The following THBS4 variants were observed in gnomAD, a reference collection of about 807,000 sequenced individuals.
THBS4 encodes thrombospondin 4.
Under a neutral mutation model 115.7 loss-of-function variants are expected in THBS4, and 90 were observed. That is an observed-to-expected ratio of 0.78 (90% CI 0.66 to 0.93). The LOEUF (loss-of-function observed/expected upper bound fraction) is 0.93. Ranked by LOEUF, THBS4 falls within the 40% of genes least tolerant of loss-of-function variation. THBS4 has a pLI of 0.00. For missense variants in THBS4, 1,087 were observed against 1,232.7 expected, an observed-to-expected ratio of 0.88 and a Z score of 1.77; for synonymous variants, 460 against 479.3, an observed-to-expected ratio of 0.96 and a Z score of 0.53.
At position 80,058,206 on chromosome 5, in the gene THBS4, G is replaced by C. The variant is rs1175876006; in HGVS notation, c.541G>C (p.Asp181His). ...ELRTFQRKPQ[D>H]FLEELKLVVR... ...GTGGTATGAATGTGATTTCTTCCAGGACTTCTTGGAAGAGCTGAAGCTGGT... is the reference window on the plus strand; with the variant it reads ...GTGGTATGAATGTGATTTCTTCCAGCACTTCTTGGAAGAGCTGAAGCTGGT... Residue 181 changes from aspartate to histidine, a missense_variant and splice_region_variant, in exon 4 of 22, where the codon GAC (aspartate) becomes CAC (histidine). Coordinates refer to ENST00000350881, the MANE Select transcript of THBS4 (RefSeq NM_003248.6). The C allele has an allele frequency of 5.7e-6, 9 of 1,567,788 alleles. No individual in the cohort carries two copies. The highest frequency in any genetic ancestry group is 6.9e-6 in the Non-Finnish European group (8 of 1,154,778).
chr5:80,065,330 G>C, intron 8 of THBS4, 79 bp from the exon 9 acceptor site: 2 of 1,336,084 alleles, frequency 1.5e-6, no homozygotes. Flanking sequence ...CACAAAGATA[G>C]CAAAACAAAG....
At chr5:80,067,071 A>G (rs994542726) in intron 9 of THBS4, 36 of 152,340 alleles carry the variant, frequency 2.4e-4, no homozygotes, top group African/African-American at 8.4e-4. Context: ...AAAACTGCAT[A>G]AGATGAAAAA....
intron 16 of THBS4, 43 bp from the exon 17 acceptor site, chr5:80,078,006 T>C (rs776867310): frequency 8.9e-6 from 13 of 1,468,064 alleles, no homozygotes; most frequent in Non-Finnish European, 1.2e-5. Context: ...TGGCGGTGGG[T>C]GTGAGCGCTA....
intron 3 of THBS4, 109 bp downstream of exon 3, chr5:80,056,141 C>A: frequency 7.6e-7 from 1 of 1,309,296 alleles, no homozygotes; most frequent in Non-Finnish European, 1.0e-6. Context: ...GGGTCTAATG[C>A]CGCTTGCACA....
At chr5:80,066,093 T>C (rs187921555) in intron 9 of THBS4, among the ~76,000 whole-genome samples, 6,194 of 76,632 alleles carry the variant, frequency 0.081, 471 homozygotes, top group African/African-American at 0.25. Flanking sequence ...AGACTCCCTC[T>C]CAAAAAAAAA....
intron 2 of THBS4, among the ~76,000 whole-genome samples, chr5:80,011,675 T>G (rs1832129179): frequency 6.6e-6 from 1 of 152,068 alleles, no homozygotes; most frequent in South Asian, 2.1e-4. Context: ...CAAACTTAGG[T>G]AGGCTTCAGA....
chr5:80,009,892 G>A (rs1204488186), intron 2 of THBS4, among the ~76,000 whole-genome samples: 1 of 152,096 alleles, frequency 6.6e-6, no homozygotes, highest in Non-Finnish European at 1.5e-5. Context: ...CAGCACTTTG[G>A]GAGGAGGAAG....
At chr5:80,006,486 A>C (rs756448854) in intron 2 of THBS4, among the ~76,000 whole-genome samples, 53 of 152,176 alleles carry the variant, frequency 3.5e-4, no homozygotes, top group Non-Finnish European at 5.7e-4. Context: ...GCCATGTGGA[A>C]CTGTAAGTCC....
intron 20 of THBS4, 79 bp downstream of exon 20, chr5:80,080,156 C>G (rs561444307): frequency 6.8e-7 from 1 of 1,468,478 alleles, no homozygotes; most frequent in East Asian, 2.5e-5. Context: ...CTTCATTTCC[C>G]TGAGCAATTC....
At chr5:80,016,196 A>T (rs1832246741) in intron 2 of THBS4, among the ~76,000 whole-genome samples, 1 of 152,142 alleles carries the variant, frequency 6.6e-6, no homozygotes, top group Non-Finnish European at 1.5e-5. Flanking sequence ...AAACGTGTTG[A>T]TGTCTTTAAT....
intron 8 of THBS4, among the ~76,000 whole-genome samples, chr5:80,064,930 G>A (rs530251409): frequency 2.0e-5 from 3 of 151,950 alleles, no homozygotes; most frequent in South Asian, 2.1e-4. Context: ...GAGAAATAAC[G>A]ACATGGAGCA....
intron 2 of THBS4, among the ~76,000 whole-genome samples, chr5:80,009,811 T>G (rs1360790746): frequency 6.6e-6 from 1 of 152,144 alleles, no homozygotes; most frequent in East Asian, 1.9e-4. Context: ...GGGCCAAGTG[T>G]CCTAGCTATA....
At chr5:80,082,655 T>C in intron 21 of THBS4, 110 bp downstream of exon 21, 2 of 1,349,880 alleles carry the variant, frequency 1.5e-6, no homozygotes, top group South Asian at 2.7e-5. Flanking sequence ...TCATACCACA[T>C]AGTCATTAAA....
Position 80,078,765 on chromosome 5 carries a change from A to C in THBS4, c.2266-156A>C, listed in dbSNP as rs10037941. The C allele has an allele frequency of 7.0e-3, 4,265 of 610,148 alleles. 23 individuals carry two copies. Among genetic ancestry groups the C allele is most frequent in the Non-Finnish European group, 9.8e-3 (3,638 of 373,068 alleles). 37.8% of individuals were successfully genotyped at this position (610,148 alleles called of 1,614,324 possible). A position where few individuals can be genotyped will look rare whatever the true frequency, so the allele number is the denominator to read the frequency against. On this transcript the variant is annotated intron_variant, in intron 17 of 21. Transcript: ENST00000350881. ...ACAAGCACATGCTTTCTTTGAGCAC[A>C]TAACACAATAGAGCAACTATTTCAG...
At chr5:80,019,158 A>G (rs896797122) in intron 2 of THBS4, among the ~76,000 whole-genome samples, 3 of 152,034 alleles carry the variant, frequency 2.0e-5, no homozygotes, top group Non-Finnish European at 4.4e-5. Flanking sequence ...ACTATGAAGT[A>G]TCATTGATAA....
At position 80,065,459 on chromosome 5, in the gene THBS4, G is replaced by A. The variant is rs148853281; in HGVS notation, c.1176G>A (p.Ser392=). ...ECRNGACVPN[S]ICVNTLGSYR... ...GAAATGGAGCGTGCGTTCCCAACTC[G>A]ATCTGCGTTAATACTTTGGTAAGTA... is the stretch of plus-strand genomic sequence containing the variant. Residue 392 remains serine, a synonymous_variant, in exon 9 of 22, where the codon TCG becomes TCA. Transcript: ENST00000350881. 3.3e-4 allele frequency: 525 copies of A among 1,613,588 alleles called. 3 individuals are homozygous for A. In the African/African-American group the frequency reaches 5.9e-3, roughly 18 times the overall value.
chr5:80,030,797 T>G (rs1320764734), upstream of THBS4, among the ~76,000 whole-genome samples: 2 of 152,226 alleles, frequency 1.3e-5, no homozygotes, highest in African/African-American at 4.8e-5. Context: ...TGAGCCTCCA[T>G]GCCTGGCCCC....
At chr5:80,018,297 G>A (rs1225159136) in intron 2 of THBS4, among the ~76,000 whole-genome samples, 1 of 148,200 alleles carries the variant, frequency 6.7e-6, no homozygotes, top group East Asian at 2.0e-4. Context: ...TACTTCACTA[G>A]TTATCTCTTT....
intron 8 of THBS4, among the ~76,000 whole-genome samples, chr5:80,065,004 G>A (rs1175390395): frequency 2.0e-5 from 3 of 151,940 alleles, no homozygotes; most frequent in Non-Finnish European, 4.4e-5. Context: ...TCATCCAATT[G>A]TAGTTCCAAA....
Sources: gnomAD v4.1 joint callset for allele counts (sites outside exome capture counted in the v4.1 genomes callset) on GRCh38, gnomAD v4.1.1 for gene constraint, MANE v1.5 for transcripts, NCBI Gene and HGNC (gene_info 2026-07-23, HGNC 2026-07-21) for gene names.